Variants in ACSBG2 observed in about 807,000 individuals in gnomAD.
ACSBG2 encodes long-chain-fatty-acid--CoA ligase ACSBG2.
ACSBG2 carries 62 observed loss-of-function variants against 74.7 expected under a neutral mutation model. The observed-to-expected ratio is 0.83, with a 90% CI of 0.68 to 1.03. The LOEUF (loss-of-function observed/expected upper bound fraction) is 1.03, where lower values mean the gene tolerates loss of function less well. Among genes scored for constraint, ACSBG2 ranks in the 50% least tolerant of loss-of-function variants. ACSBG2 has a pLI of 0.00. For synonymous variants in ACSBG2, 309 were observed against 294.1 expected (o/e 1.05, Z -0.52); for missense variants, 730 against 817.6 (o/e 0.89, Z 1.31).
chr19:6,167,830 A>G (rs2089850920), intron 7 of ACSBG2, among the ~76,000 whole-genome samples: 1 of 152,238 alleles, frequency 6.6e-6, no homozygotes, highest in Admixed American at 6.5e-5. Context: ...TTAAAAGTTC[A>G]GACATTACAG....
intron 5 of ACSBG2, 103 bp from the exon 6 acceptor site, chr19:6,161,112 A>AAAG: frequency 1.1e-6 from 1 of 892,706 alleles, no homozygotes; most frequent in Non-Finnish European, 1.7e-6. Context: ...AAAAAAAAAA[A>AAAG]GAGGCTAGAG....
chr19:6,149,504 C>CTTTT (rs556996493), intron 3 of ACSBG2, among the ~76,000 whole-genome samples: 2 of 127,936 alleles, frequency 1.6e-5, no homozygotes, highest in African/African-American at 6.0e-5. Flanking sequence ...ACATGTGCAA[C>CTTTT]TTTTTTTTTT....
chr19:6,145,287 T>C (rs140925521), intron 2 of ACSBG2, among the ~76,000 whole-genome samples: 2,853 of 151,980 alleles, frequency 0.019, 93 homozygotes, highest in African/African-American at 0.065. Flanking sequence ...TCCCCGCTAC[T>C]TGAGAGGCTG....
intron 6 of ACSBG2, among the ~76,000 whole-genome samples, chr19:6,164,791 G>A (rs1298183944): frequency 6.6e-6 from 1 of 152,156 alleles, no homozygotes; most frequent in African/African-American, 2.4e-5. Context: ...GGGGTTCAAT[G>A]GTAGAATTTC....
intron 14 of ACSBG2, chr19:6,191,699 A>C (rs2090566689): frequency 6.6e-6 from 1 of 152,122 alleles, no homozygotes; most frequent in Non-Finnish European, 1.5e-5. Flanking sequence ...AATAAGTTAC[A>C]CCCTGAAGTA....
At position 6,165,977 on chromosome 19, in the gene ACSBG2, A is replaced by G. The variant is rs2089785434; in HGVS notation, c.700A>G (p.Thr234Ala). 4.3e-6 allele frequency: 7 copies of G among 1,614,172 alleles called. No individual in the cohort carries two copies. In the South Asian group the frequency reaches 4.4e-5, roughly 10 times the overall value. The change falls in exon 7 of 15, where the codon ACA becomes GCA. Residue 234 changes from threonine to alanine, a missense_variant. Thr to Ala is a moderately conservative substitution (Grantham distance 58). Transcript: ENST00000588485. Reference protein sequence around the residue: ...CAVLIYTSGTTGIPKGVMLSH... With the variant: ...CAVLIYTSGTAGIPKGVMLSH... ...AGTGCTCATCTACACTTCAGGGACC[A>G]CAGGCATACCCAAGGGAGTGATGCT...
At chr19:6,183,537 C>T (rs983671143) in intron 10 of ACSBG2, among the ~76,000 whole-genome samples, 3 of 152,186 alleles carry the variant, frequency 2.0e-5, no homozygotes, top group Admixed American at 6.5e-5. Context: ...TCAAGGTCAC[C>T]GCCTGTGACC....
intron 4 of ACSBG2, among the ~76,000 whole-genome samples, chr19:6,153,214 C>A (rs2089295944): frequency 6.6e-6 from 1 of 152,106 alleles, no homozygotes; most frequent in Non-Finnish European, 1.5e-5. Flanking sequence ...CCACTGCACT[C>A]CAGCCTGGGC....
At chr19:6,187,530 T>A (rs572627419) in intron 12 of ACSBG2, 69 bp from the exon 13 acceptor site, 2 of 1,605,918 alleles carry the variant, frequency 1.2e-6, no homozygotes, top group African/African-American at 2.7e-5. Context: ...GACCCACTTC[T>A]TGGTCTGTGG....
Position 6,148,832 on chromosome 19 carries a change from G to A in ACSBG2, c.297+1157G>A, listed in dbSNP as rs766887405. On this transcript the variant is annotated intron_variant, in intron 3 of 14. Transcript: ENST00000588485. ...AATCTTGGACACCTGACTGAGCACGGTGGCTCATGCCTGTAATCCCAGCAC... is the reference window on the plus strand; with the variant it reads ...AATCTTGGACACCTGACTGAGCACGATGGCTCATGCCTGTAATCCCAGCAC... 8.7e-4 allele frequency among the ~76,000 whole-genome samples: 133 copies of A among 152,242 alleles called. 1 individual carries two copies. Among genetic ancestry groups the A allele is most frequent in the Middle Eastern group, 6.8e-3 (2 of 294 alleles).
At chr19:6,165,127 C>T (rs1029389342) in intron 6 of ACSBG2, among the ~76,000 whole-genome samples, 17 of 152,198 alleles carry the variant, frequency 1.1e-4, no homozygotes, top group African/African-American at 2.9e-4. Context: ...CAGTTCAGGG[C>T]GTGGATTTCA....
intron 4 of ACSBG2, among the ~76,000 whole-genome samples, chr19:6,154,402 A>AAGAGAGAGAGAGAGAG (rs547084046): frequency 7.2e-5 from 6 of 83,268 alleles, no homozygotes; most frequent in African/African-American, 2.0e-4. Context: ...CCGTCTCAAA[A>AAGAGAGAGAGAGAGAG]AGAGAGAGAG....
At chr19:6,183,690 A>C (rs76167153) in intron 10 of ACSBG2, among the ~76,000 whole-genome samples, 10,006 of 149,504 alleles carry the variant, frequency 0.067, 544 homozygotes, top group African/African-American at 0.16. Context: ...TTGAGGTTCA[A>C]CTCCCCATCT....
chr19:6,187,518 A>G, intron 12 of ACSBG2, 81 bp from the exon 13 acceptor site: 1 of 1,603,868 alleles, frequency 6.2e-7, no homozygotes, highest in Non-Finnish European at 8.5e-7. Context: ...CTGTGGGTTC[A>G]AGACCCACTT....
chr19:6,164,962 C>T (rs1326162678), intron 6 of ACSBG2, among the ~76,000 whole-genome samples: 3 of 152,204 alleles, frequency 2.0e-5, no homozygotes, highest in African/African-American at 7.2e-5. Context: ...GGCAAGTAAT[C>T]TACCACCCCT....
At position 6,177,221 on chromosome 19, in the gene ACSBG2, T is replaced by C. The variant is rs754855573; in HGVS notation, c.739-8T>C. On this transcript the variant is annotated splice_polypyrimidine_tract_variant and splice_region_variant and intron_variant, in intron 7 of 14. Coordinates refer to ENST00000588485, the MANE Select transcript of ACSBG2 (RefSeq NM_030924.5). The stretch of plus-strand genomic sequence containing the variant: ...GTGAGGCACCTTGGATTGTCCCTTA[T>C]GTTACAGATCACGTGGATTGCAGGA... 1 of 1,613,994 alleles carries C rather than the reference T, an allele frequency of 6.2e-7. No homozygotes were observed. Among genetic ancestry groups the C allele is most frequent in the South Asian group, 1.1e-5 (1 of 91,072 alleles).
chr19:6,149,022 G>A (rs1258690450), intron 3 of ACSBG2, among the ~76,000 whole-genome samples: 3 of 152,052 alleles, frequency 2.0e-5, no homozygotes, highest in Non-Finnish European at 2.9e-5. Flanking sequence ...CAGGAGAATC[G>A]CTTGAACCCG....
In ACSBG2 at chr19:6,168,171, C is replaced by A. The variant is rs748844255; in HGVS notation, c.738+2156C>A. Among the ~76,000 whole-genome samples, 200 of 152,276 alleles carry A rather than the reference C, an allele frequency of 1.3e-3. 1 individual carries two copies. The highest frequency in any genetic ancestry group is 2.1e-3 in the Non-Finnish European group (141 of 68,036). ...CCTTCTCCTCTCCTCTCCTCCCTCT[C>A]TCCCCCTTGCTCACTCTGTTCTAGC... On this transcript the variant is annotated intron_variant, in intron 7 of 14. Transcript: ENST00000588485.
intron 1 of ACSBG2, among the ~76,000 whole-genome samples, chr19:6,136,785 A>G (rs2088588572): frequency 6.6e-6 from 1 of 151,846 alleles, no homozygotes; most frequent in Admixed American, 6.6e-5. Context: ...GAAATCGAAT[A>G]TTACTAGTAA....
Sources: allele counts gnomAD v4.1 joint callset (sites outside exome capture counted in the v4.1 genomes callset), GRCh38; gene constraint gnomAD v4.1.1; transcripts MANE v1.5; gene names NCBI Gene and HGNC (gene_info 2026-07-23, HGNC 2026-07-21).